Variants in AP3B1 observed in about 807,000 individuals in gnomAD.
AP3B1 encodes AP-3 complex subunit beta-1.
AP3B1 carries 61 observed loss-of-function variants against 132.5 expected under a neutral mutation model. That is an observed-to-expected ratio of 0.46 (90% CI 0.37 to 0.57). The LOEUF is 0.57. Among genes scored for constraint, AP3B1 ranks in the 20% least tolerant of loss-of-function variants. The pLI is 0.00. For synonymous variants in AP3B1, 388 were observed against 438.3 expected, an observed-to-expected ratio of 0.89 and a Z score of 1.43; for missense variants, 1,120 against 1,289.4, an observed-to-expected ratio of 0.87 and a Z score of 2.01.
rs1243738845 is a variant in AP3B1 at position 78,034,326 on chromosome 5, G to C, written c.2894+35C>G. The C allele has an allele frequency of 2.7e-6, 4 of 1,498,828 alleles. No individual in the cohort carries two copies. The African/African-American group carries it at 5.5e-5, about 21-fold the overall frequency. The allele number at this position is 1,498,828 out of a possible 1,614,324, so 92.8% of individuals were successfully genotyped here. On this transcript the variant is annotated intron_variant, in intron 24 of 26. Transcript: ENST00000255194. Reference sequence around the variant, plus strand: ...AGTTTTTGATCTGCTATCCTTTACAGGTTATATAAAAAATAGAAGAACAAT... The same window carrying C: ...AGTTTTTGATCTGCTATCCTTTACACGTTATATAAAAAATAGAAGAACAAT...
chr5:78,113,417 T>A (rs1751679099), intron 19 of AP3B1, among the ~76,000 whole-genome samples: 1 of 152,176 alleles, frequency 6.6e-6, no homozygotes, highest in East Asian at 1.9e-4. Context: ...AATGGCAAAG[T>A]GTTGAAGGAT....
intron 3 of AP3B1, among the ~76,000 whole-genome samples, chr5:78,232,869 G>A (rs1018180978): frequency 3.9e-5 from 6 of 152,046 alleles, no homozygotes; most frequent in Admixed American, 6.5e-5. Context: ...ACCACGCCCA[G>A]CTAATTTTTG....
intron 25 of AP3B1, among the ~76,000 whole-genome samples, chr5:78,018,700 A>ACCCC (rs1554057853): frequency 2.4e-4 from 36 of 148,724 alleles, no homozygotes; most frequent in African/African-American, 7.3e-4. Context: ...ACACACACAC[A>ACCCC]CCCCTTAAAT....
At chr5:78,128,956 C>T (rs577155820) in intron 16 of AP3B1, among the ~76,000 whole-genome samples, 165 bp downstream of exon 16, 1 of 151,898 alleles carries the variant, frequency 6.6e-6, no homozygotes, top group Admixed American at 6.6e-5. Context: ...ATAAAACTTG[C>T]TTTTGAGAGC....
At chr5:78,085,143 C>G (rs2112192041) in intron 22 of AP3B1, among the ~76,000 whole-genome samples, 1 of 152,224 alleles carries the variant, frequency 6.6e-6, no homozygotes, top group East Asian at 1.9e-4. Flanking sequence ...TACAGATGGC[C>G]CAACTGCCAT....
chr5:78,255,764 CT>C (rs1747822046), intron 2 of AP3B1, among the ~76,000 whole-genome samples: 2 of 151,992 alleles, frequency 1.3e-5, no homozygotes, highest in South Asian at 4.1e-4. Flanking sequence ...TTTACAGAAC[CT>C]TTTATCCAAG....
intron 13 of AP3B1, among the ~76,000 whole-genome samples, chr5:78,161,667 T>C (rs1004433681): frequency 1.3e-4 from 20 of 151,998 alleles, no homozygotes; most frequent in Admixed American, 9.2e-4. Flanking sequence ...TTTAAACCTA[T>C]CGTCTTGATA....
chr5:78,139,735 C>T (rs1753064995), intron 15 of AP3B1, among the ~76,000 whole-genome samples: 1 of 151,950 alleles, frequency 6.6e-6, no homozygotes, highest in Non-Finnish European at 1.5e-5. Context: ...TATGGGGAAG[C>T]AGGAAAGGCA....
chr5:78,120,224 C>A lies in AP3B1; in HGVS notation c.1969-3990G>T, dbSNP rs1301656802. Among the ~76,000 whole-genome samples, 3 of 152,150 alleles carry A rather than the reference C, an allele frequency of 2.0e-5. No individual in the cohort carries two copies. In the East Asian group the frequency reaches 5.8e-4, roughly 29 times the overall value. On this transcript the variant is annotated intron_variant, in intron 17 of 26. Coordinates refer to ENST00000255194, the MANE Select transcript of AP3B1 (RefSeq NM_003664.5). ...TATGGAAAAGAACAACCAGTACCAG[C>A]CACTGCAAAAAACATGCCAAAATGT...
intron 7 of AP3B1, among the ~76,000 whole-genome samples, chr5:78,199,291 A>T (rs902526460): frequency 1.3e-5 from 2 of 152,230 alleles, no homozygotes. Context: ...GATCTATAAT[A>T]AAGCATTTTT....
intron 3 of AP3B1, among the ~76,000 whole-genome samples, chr5:78,236,466 G>A (rs1324835455): frequency 6.6e-6 from 1 of 152,196 alleles, no homozygotes; most frequent in African/African-American, 2.4e-5. Context: ...CATCAAACAG[G>A]AAAGATGGCG....
chr5:78,081,134 G>A (rs1488769709), intron 22 of AP3B1, among the ~76,000 whole-genome samples: 1 of 152,058 alleles, frequency 6.6e-6, no homozygotes. Flanking sequence ...TCTTAAAGAA[G>A]AGAAGGCAAA....
rs533809816 is a variant in AP3B1 at position 78,129,396 on chromosome 5, A to G, written c.1651-89T>C. 21 of 1,083,892 alleles carry G rather than the reference A, an allele frequency of 1.9e-5. No individual in the cohort carries two copies. The East Asian group carries it at 1.9e-4, about 10-fold the overall frequency. 67.1% of individuals were successfully genotyped at this position (1,083,892 alleles called of 1,614,324 possible). A position where few individuals can be genotyped will look rare whatever the true frequency, so the allele number is the denominator to read the frequency against. On this transcript the variant is annotated intron_variant, in intron 15 of 26. Coordinates refer to ENST00000255194, the MANE Select transcript of AP3B1 (RefSeq NM_003664.5). ...AAACATATTTAAAGAGGTAATAAAA[A>G]TGAATGGTTATGTCAAACAAATGTT...
intron 7 of AP3B1, among the ~76,000 whole-genome samples, chr5:78,213,946 G>C (rs1409848872): frequency 2.6e-5 from 4 of 152,168 alleles, no homozygotes; most frequent in Non-Finnish European, 4.4e-5. Flanking sequence ...GGCAAAAAAG[G>C]CTTCTGTGTT....
chr5:78,121,583 T>C (rs933488432), intron 17 of AP3B1: 2 of 152,150 alleles, frequency 1.3e-5, no homozygotes, highest in African/African-American at 4.8e-5. Context: ...GCAAATAAAC[T>C]AGAAAATCTA....
At chr5:78,194,210 AT>A (rs1744991228) in intron 7 of AP3B1, among the ~76,000 whole-genome samples, 1 of 152,136 alleles carries the variant, frequency 6.6e-6, no homozygotes, top group African/African-American at 2.4e-5. Context: ...TGAAGCCCTT[AT>A]TTTTAGTATA....
intron 24 of AP3B1, among the ~76,000 whole-genome samples, chr5:78,028,386 C>A (rs1343818528): frequency 6.6e-6 from 1 of 151,512 alleles, no homozygotes; most frequent in Non-Finnish European, 1.5e-5. Context: ...ATCGCTTGAA[C>A]CAAGGAGGCG....
intron 15 of AP3B1, among the ~76,000 whole-genome samples, chr5:78,138,350 TAAGCTACTC>T (rs1367614569): frequency 6.6e-6 from 1 of 151,952 alleles, no homozygotes; most frequent in Non-Finnish European, 1.5e-5. Flanking sequence ...ACACCCATAA[TAAGCTACTC>T]AGGGGGCTGA....
intron 7 of AP3B1, among the ~76,000 whole-genome samples, chr5:78,186,581 T>C (rs774524334): frequency 3.9e-5 from 6 of 152,182 alleles, no homozygotes; most frequent in Admixed American, 6.5e-5. Context: ...ACATTACCAT[T>C]GGGGAAAATT....
Sources: allele counts gnomAD v4.1 joint callset (sites outside exome capture counted in the v4.1 genomes callset), GRCh38; gene constraint gnomAD v4.1.1; transcripts MANE v1.5; gene names NCBI Gene and HGNC (gene_info 2026-07-23, HGNC 2026-07-21).